Variants in MTOR observed in about 807,000 individuals in gnomAD.
MTOR encodes serine/threonine-protein kinase mTOR.
Under a neutral mutation model 319.8 loss-of-function variants are expected in MTOR, and 70 were observed. The ratio of observed to expected loss-of-function variants is 0.22; its 90% CI spans 0.18 to 0.27. The LOEUF (loss-of-function observed/expected upper bound fraction) is 0.27, where lower values mean the gene tolerates loss of function less well. MTOR is among the 10% of genes least tolerant of loss of function. The pLI is 1.00. For missense variants in MTOR, 1,890 were observed against 3,274.4 expected (o/e 0.58, Z 10.32); for synonymous variants, 1,183 against 1,211.4 (o/e 0.98, Z 0.49).
intron 28 of MTOR, among the ~76,000 whole-genome samples, chr1:11,169,547 G>A (rs1382268357): frequency 6.6e-6 from 1 of 152,142 alleles, no homozygotes; most frequent in Non-Finnish European, 1.5e-5. Flanking sequence ...CAAGTTTGAG[G>A]GAGACACATC....
rs773938354 is a variant in MTOR, at chr1:11,127,126, T to A, written c.6235A>T (p.Met2079Leu). The A allele has an allele frequency of 6.2e-7, 1 of 1,614,200 alleles. No homozygotes were observed. The highest frequency in any genetic ancestry group is 1.1e-5 in the South Asian group (1 of 91,080). The part of the protein sequence containing the change: ...SFNQAYGRDL[M>L]EAQEWCRKYM... ...TTCCTGCACCACTCTTGGGCCTCCA[T>A]TAAATCTCGACCATAGGCCTGAGAG... Residue 2079 changes from methionine to leucine, a missense_variant, in exon 45 of 58, where the codon ATG (methionine) becomes TTG (leucine). Physicochemically the swap from Met to Leu is conservative, Grantham distance 15. Transcript: ENST00000361445. The surrounding 1 kb of genome is among the most constrained non-coding windows in gnomAD (Gnocchi z 5.5).
intron 11 of MTOR, among the ~76,000 whole-genome samples, chr1:11,239,896 T>G (rs1295038009): frequency 2.4e-5 from 3 of 125,348 alleles, no homozygotes; most frequent in South Asian, 3.0e-4. Context: ...CAGAGAGACT[T>G]TGTCTCAAAA....
At chr1:11,244,334 A>G (rs1648524902) in intron 8 of MTOR, among the ~76,000 whole-genome samples, 1 of 149,046 alleles carries the variant, frequency 6.7e-6, no homozygotes, top group Non-Finnish European at 1.5e-5. Flanking sequence ...TCTCAAACTA[A>G]TAAAAAACCA....
chr1:11,141,409 C>T (rs1357955204), intron 34 of MTOR, among the ~76,000 whole-genome samples: 3 of 151,980 alleles, frequency 2.0e-5, no homozygotes, highest in Non-Finnish European at 4.4e-5. Context: ...GTTCTTGTCT[C>T]CCAGGCTGGA....
At chr1:11,246,430 G>A (rs926119160) in intron 8 of MTOR, among the ~76,000 whole-genome samples, 1 of 152,176 alleles carries the variant, frequency 6.6e-6, no homozygotes, top group Non-Finnish European at 1.5e-5. Flanking sequence ...AAAGCTGCTG[G>A]GTGCCAGGCC....
At chr1:11,241,415 A>T (rs995906223) in intron 10 of MTOR, 138 bp downstream of exon 10, 1 of 986,716 alleles carries the variant, frequency 1.0e-6, no homozygotes, top group African/African-American at 1.6e-5. Flanking sequence ...ATTCAGTACT[A>T]GCCTGTGTGT....
chr1:11,167,444 GCT>G lies in MTOR; in HGVS notation c.4325_4326del (p.Glu1442AlafsTer9), dbSNP rs865839670. On this transcript the variant is annotated frameshift_variant, in exon 29 of 58. Transcript: ENST00000361445. LOFTEE classifies it high-confidence loss of function. ...VLEYAMKHFG[E>X]LEIQATWYEK... ...TCCAAAAAGAATGAGGTGCTTACCA[GCT>G]CTCCAAAGTGTTTCATGGCATATTC... is the stretch of plus-strand genomic sequence containing the variant. 4 of 1,613,040 alleles carry G rather than the reference GCT, an allele frequency of 2.5e-6. No individual in the cohort carries two copies. Among genetic ancestry groups the G allele is most frequent in the Non-Finnish European group, 3.4e-6 (4 of 1,179,278 alleles).
chr1:11,114,852 A>T lies in MTOR; in HGVS notation c.7125T>A (p.Ile2375=), dbSNP rs778914206. 1.6e-5 allele frequency: 26 copies of T among 1,614,044 alleles called. No homozygotes were observed. The highest frequency in any genetic ancestry group is 5.0e-5 in the Admixed American group (3 of 60,008). The change falls in exon 52 of 58, where the codon ATT becomes ATA. Residue 2375 remains isoleucine, a synonymous_variant. Coordinates refer to ENST00000361445, the MANE Select transcript of MTOR (RefSeq NM_004958.4). ...TCAACATTCTTGTTAGTCTAAATGG[A>T]ATCTTCTCTGGAAACTTCTCTCGGG... is the stretch of plus-strand genomic sequence containing the variant. ...AMTREKFPEK[I]PFRLTRMLTN...
At chr1:11,195,123 G>A (rs1021350791) in intron 28 of MTOR, 81 of 1,243,220 alleles carry the variant, frequency 6.5e-5, no homozygotes, top group Non-Finnish European at 8.8e-5. Context: ...GGGTAGGACT[G>A]AGAAACAGCC....
rs1333067314 is a variant in MTOR at position 11,109,765 on chromosome 1, A to C, written c.7367-36T>G. The stretch of plus-strand genomic sequence containing the variant: ...AGAAATCAATTAACAGAAAATTCAA[A>C]CACCAAAAAGCCACTGTTGGTGTTA... On this transcript the variant is annotated intron_variant, in intron 54 of 57. Coordinates refer to ENST00000361445, the MANE Select transcript of MTOR (RefSeq NM_004958.4). The surrounding 1 kb of genome is among the most constrained non-coding windows in gnomAD (Gnocchi z 4.0). 1 of 1,592,054 alleles carries C rather than the reference A, an allele frequency of 6.3e-7. No individual in the cohort carries two copies. Among genetic ancestry groups the C allele is most frequent in the Non-Finnish European group, 8.6e-7 (1 of 1,160,020 alleles).
intron 32 of MTOR, among the ~76,000 whole-genome samples, chr1:11,145,920 T>C (rs1272618828): frequency 7.2e-5 from 11 of 152,224 alleles, no homozygotes. Context: ...TCTGTCCTTA[T>C]GAGGGAGTGT....
chr1:11,149,986 T>A, intron 31 of MTOR, 140 bp downstream of exon 31: 1 of 605,704 alleles, frequency 1.7e-6, no homozygotes, highest in South Asian at 2.2e-5. Flanking sequence ...ATGGAAGGTG[T>A]AGAAGTAGGT....
chr1:11,130,999 C>T (rs546567478), intron 38 of MTOR: 139 of 609,414 alleles, frequency 2.3e-4, no homozygotes, highest in African/African-American at 2.1e-3. Context: ...GAGTGCACTG[C>T]GAGAAGGGCA....
At chr1:11,186,265 T>C (rs1571102732) in intron 28 of MTOR, among the ~76,000 whole-genome samples, 1 of 151,998 alleles carries the variant, frequency 6.6e-6, no homozygotes, top group Non-Finnish European at 1.5e-5. Context: ...GGCAGCAGTC[T>C]CTCCAACGGG....
In MTOR at chr1:11,128,746, A is replaced by G. The variant is rs1642973407; in HGVS notation, c.5811+109T>C. 4.7e-6 allele frequency: 5 copies of G among 1,065,126 alleles called. No individual in the cohort carries two copies. Among genetic ancestry groups the G allele is most frequent in the South Asian group, 2.8e-5 (2 of 71,944 alleles). The allele number at this position is 1,065,126 out of a possible 1,614,324, so 66.0% of individuals were successfully genotyped here. A position where few individuals can be genotyped will look rare whatever the true frequency, so the allele number is the denominator to read the frequency against. On this transcript the variant is annotated intron_variant, in intron 41 of 57. Transcript: ENST00000361445. The surrounding 1 kb of genome is among the most constrained non-coding windows in gnomAD (Gnocchi z 5.3). The stretch of plus-strand genomic sequence containing the variant: ...TGGGACCGAGCCCTACTTCCTTAGC[A>G]CTGTATTAACACACACTGCCTTGTG...
intron 30 of MTOR, 88 bp downstream of exon 30, chr1:11,157,064 C>T (rs1279863141): frequency 8.2e-6 from 12 of 1,467,970 alleles, no homozygotes; most frequent in South Asian, 2.8e-5. Flanking sequence ...GTGAGAACTC[C>T]GTGTGGGGGA....
At chr1:11,156,673 C>T (rs1444475152) in intron 30 of MTOR, among the ~76,000 whole-genome samples, 1 of 152,174 alleles carries the variant, frequency 6.6e-6, no homozygotes, top group Non-Finnish European at 1.5e-5. Context: ...ATCAACCTCA[C>T]AGGAAAGGCC....
intron 19 of MTOR, among the ~76,000 whole-genome samples, chr1:11,222,075 T>C (rs980957039): frequency 9.9e-5 from 15 of 151,942 alleles, no homozygotes; most frequent in African/African-American, 2.4e-4. Context: ...TACTAAAAAA[T>C]TGATAAATTG....
rs769947561 is a variant in MTOR at position 11,144,957 on chromosome 1, T to C, written c.4764+11A>G. ...TCAAAAATGACAATGTGCAGAATAG[T>C]TGACACTTACCCCATATGCCCGACT... On this transcript the variant is annotated intron_variant, in intron 33 of 57. Coordinates refer to ENST00000361445, the MANE Select transcript of MTOR (RefSeq NM_004958.4). 8.1e-6 allele frequency: 13 copies of C among 1,613,546 alleles called. No homozygotes were observed. The highest frequency in any genetic ancestry group is 1.1e-5 in the South Asian group (1 of 91,058).
Sources: allele counts gnomAD v4.1 joint callset (sites outside exome capture counted in the v4.1 genomes callset), GRCh38; gene constraint gnomAD v4.1.1; non-coding constraint Gnocchi (gnomAD v3.1); transcripts MANE v1.5; gene names NCBI Gene and HGNC (gene_info 2026-07-23, HGNC 2026-07-21).